The following HNF1B variants were observed in gnomAD, a reference collection of about 807,000 sequenced individuals.
The protein encoded by HNF1B is hepatocyte nuclear factor 1-beta.
Under a neutral mutation model 61.7 loss-of-function variants are expected in HNF1B, and 8 were observed. The observed-to-expected ratio is 0.13, with a 90% CI of 0.08 to 0.23. The LOEUF (loss-of-function observed/expected upper bound fraction) is 0.23. HNF1B is among the 10% of genes least tolerant of loss of function. The pLI, the probability that HNF1B is intolerant of heterozygous loss-of-function variation, is 1.00. For missense variants in HNF1B, 562 were observed against 714.5 expected (o/e 0.79, Z 2.43); for synonymous variants, 314 against 287.7 (o/e 1.09, Z -0.93).
chr17:37,696,256 G>GCA (rs2032381538), intron 8 of HNF1B, among the ~76,000 whole-genome samples: 2 of 151,916 alleles, frequency 1.3e-5, no homozygotes, highest in South Asian at 4.2e-4. Flanking sequence ...ACCAGCCTGG[G>GCA]CAACATGGCA....
chr17:37,744,455 A>T (rs1337545700), intron 1 of HNF1B, 86 bp downstream of exon 1: 3 of 1,364,934 alleles, frequency 2.2e-6, no homozygotes, highest in Non-Finnish European at 3.1e-6. Context: ...GGGCTTGGCG[A>T]GTGTGGTCGG....
Position 37,710,574 on chromosome 17 carries a change from ACTGGCT to A in HNF1B, c.1129_1134del (p.Gln378_Ser379del). 6.2e-7 allele frequency: 1 copy of A among 1,614,102 alleles called. No individual in the cohort carries two copies. Among genetic ancestry groups the A allele is most frequent in the Non-Finnish European group, 8.5e-7 (1 of 1,180,010 alleles). ...GCTGGGGAGACTTGCTGTAAAACCGACTGGCTGGTCACCATGGCGCTGTTGCCATGG... is the reference window on the plus strand; with the variant it reads ...GCTGGGGAGACTTGCTGTAAAACCGAGGTCACCATGGCGCTGTTGCCATGG... On this transcript the variant is annotated inframe_deletion, in exon 5 of 9. Coordinates refer to ENST00000617811, the MANE Select transcript of HNF1B (RefSeq NM_000458.4).
At chr17:37,720,866 C>A in intron 4 of HNF1B, 1 of 985,320 alleles carries the variant, frequency 1.0e-6, no homozygotes, top group Non-Finnish European at 1.2e-6. Context: ...GGGATGCAAA[C>A]CCTCTAGTTC....
chr17:37,736,468 C>T (rs963105158), intron 2 of HNF1B, among the ~76,000 whole-genome samples: 1 of 152,196 alleles, frequency 6.6e-6, no homozygotes, highest in African/African-American at 2.4e-5. Flanking sequence ...AACTGAGGTT[C>T]AGACTGGTGA....
chr17:37,719,467 T>C (rs1201099126), intron 4 of HNF1B, among the ~76,000 whole-genome samples: 1 of 152,240 alleles, frequency 6.6e-6, no homozygotes, highest in Non-Finnish European at 1.5e-5. Context: ...TAAATGCCCC[T>C]TTCTCCAAAG....
chr17:37,694,651 G>A (rs866294789), intron 8 of HNF1B, among the ~76,000 whole-genome samples: 4 of 152,000 alleles, frequency 2.6e-5, no homozygotes, highest in Non-Finnish European at 4.4e-5. Context: ...GATCTCAGAT[G>A]GAAATGAGGA....
intron 5 of HNF1B, among the ~76,000 whole-genome samples, chr17:37,707,279 C>T (rs553723776): frequency 6.6e-6 from 1 of 152,170 alleles, no homozygotes; most frequent in Admixed American, 6.5e-5. Flanking sequence ...CCGTGCCCAG[C>T]TAATTTTTTT....
At chr17:37,688,380 AACACACACACACACACACACAC>A (rs5820230) in intron 8 of HNF1B, among the ~76,000 whole-genome samples, 16 of 136,180 alleles carry the variant, frequency 1.2e-4, no homozygotes, top group African/African-American at 3.6e-4. Context: ...GATCCCCCCA[AACACACACACACACACACACAC>A]ACACACACAC....
intron 2 of HNF1B, among the ~76,000 whole-genome samples, chr17:37,738,466 G>A (rs754052421): frequency 6.6e-6 from 1 of 152,238 alleles, no homozygotes; most frequent in Non-Finnish European, 1.5e-5. Context: ...AACCCAGATA[G>A]TGGTGGAAAT....
At chr17:37,721,541 C>A (rs536849674) in intron 4 of HNF1B, among the ~76,000 whole-genome samples, 7 of 152,098 alleles carry the variant, frequency 4.6e-5, no homozygotes, top group Non-Finnish European at 7.4e-5. Context: ...CCCAAGGTCA[C>A]CCTTGCTCAT....
chr17:37,721,574 C>T lies in HNF1B; in HGVS notation c.1045+10021G>A, dbSNP rs573245768. Among the ~76,000 whole-genome samples, 19 of 152,236 alleles carry T rather than the reference C, an allele frequency of 1.2e-4. No individual in the cohort carries two copies. In the South Asian group the frequency reaches 3.7e-3, roughly 30 times the overall value. ...CATTGGTGGCTCTGATCTCCTGAAT[C>T]CTAGTCCAAGGCCCCTCACCCCGGC... On this transcript the variant is annotated intron_variant, in intron 4 of 8. Transcript: ENST00000617811.
chr17:37,689,683 G>C (rs1489883028), intron 8 of HNF1B, among the ~76,000 whole-genome samples: 1 of 152,210 alleles, frequency 6.6e-6, no homozygotes, highest in Non-Finnish European at 1.5e-5. Context: ...TGAAAGGTGT[G>C]GTAGCTGTGG....
chr17:37,738,339 C>T (rs943516305), intron 2 of HNF1B, among the ~76,000 whole-genome samples: 2 of 152,214 alleles, frequency 1.3e-5, no homozygotes, highest in Non-Finnish European at 2.9e-5. Flanking sequence ...TAAAACCATT[C>T]CTTTCACCAG....
intron 4 of HNF1B, among the ~76,000 whole-genome samples, chr17:37,723,234 C>CT (rs1218829019): frequency 1.3e-5 from 2 of 151,678 alleles, no homozygotes; most frequent in Non-Finnish European, 2.9e-5. Flanking sequence ...GTAGTCCCAG[C>CT]TACTCGGGAG....
chr17:37,694,285 C>T (rs1276526523), intron 8 of HNF1B, among the ~76,000 whole-genome samples: 1 of 152,072 alleles, frequency 6.6e-6, no homozygotes, highest in Non-Finnish European at 1.5e-5. Flanking sequence ...AAAAATTAGC[C>T]AGGCGTGGTG....
intron 8 of HNF1B, among the ~76,000 whole-genome samples, chr17:37,697,524 T>C (rs1485997594): frequency 6.6e-6 from 1 of 152,144 alleles, no homozygotes; most frequent in Non-Finnish European, 1.5e-5. Context: ...ACCATCAAAG[T>C]CAACTTGGGA....
At chr17:37,714,286 G>A (rs914498647) in intron 4 of HNF1B, among the ~76,000 whole-genome samples, 4 of 152,236 alleles carry the variant, frequency 2.6e-5, no homozygotes, top group African/African-American at 9.6e-5. Flanking sequence ...GGCTGAGGTC[G>A]TGCCACTTTA....
chr17:37,744,786 C>A lies in HNF1B; in HGVS notation c.99G>T (p.Leu33Phe). The part of the protein sequence containing the change: ...KEVLVQALEE[L>F]LPSPNFGVKL... ...TCACCCCGAAGTTCGGGGATGGCAG[C>A]AACTCCTCCAAGGCCTGAACCAGCA... Residue 33 changes from leucine to phenylalanine, a missense_variant, in exon 1 of 9, where the codon TTG becomes TTT. By Grantham distance (22) the Leu-to-Phe change is conservative. This residue lies in a region of HNF1B where 148 missense variants were observed against 147.3 expected (regional missense o/e 1.00). Coordinates refer to ENST00000617811, the MANE Select transcript of HNF1B (RefSeq NM_000458.4). 1 of 1,613,600 alleles carries A rather than the reference C, an allele frequency of 6.2e-7. No individual in the cohort carries two copies. The highest frequency in any genetic ancestry group is 2.2e-5 in the East Asian group (1 of 44,870).
intron 8 of HNF1B, among the ~76,000 whole-genome samples, chr17:37,687,790 G>T (rs1188761301): frequency 6.6e-6 from 1 of 152,164 alleles, no homozygotes; most frequent in Admixed American, 6.5e-5. Flanking sequence ...AGACCGCTAA[G>T]AGCAGAGGCC....
Sources: gnomAD v4.1 joint callset for allele counts (sites outside exome capture counted in the v4.1 genomes callset) on GRCh38, gnomAD v4.1.1 for gene constraint, gnomAD v4.1.1 regional missense constraint, MANE v1.5 for transcripts, NCBI Gene and HGNC (gene_info 2026-07-23, HGNC 2026-07-21) for gene names.